NAALADL1: variants seen among roughly 807,000 people sequenced by gnomAD.
NAALADL1 encodes the protein aminopeptidase NAALADL1.
A neutral mutation model predicts 82.8 loss-of-function variants in NAALADL1; 77 were observed. The observed-to-expected ratio is 0.93, with a 90% CI of 0.77 to 1.12. The LOEUF is 1.12. Ranked by LOEUF, NAALADL1 falls within the 50% of genes most tolerant of loss-of-function variation. The pLI is 0.00. For synonymous variants in NAALADL1, 358 were observed against 399.2 expected, an observed-to-expected ratio of 0.90 and a Z score of 1.23; for missense variants, 956 against 964.0, an observed-to-expected ratio of 0.99 and a Z score of 0.11.
Position 65,053,093 on chromosome 11 carries a change from C to T in NAALADL1, c.1198+125G>A. The T allele has an allele frequency of 8.0e-7, 1 of 1,244,632 alleles. No homozygotes were observed. The highest frequency in any genetic ancestry group is 1.5e-5 in the African/African-American group (1 of 66,632). 77.1% of individuals were successfully genotyped at this position (1,244,632 alleles called of 1,614,324 possible). On this transcript the variant is annotated intron_variant, in intron 8 of 17. Coordinates refer to ENST00000358658, the MANE Select transcript of NAALADL1 (RefSeq NM_005468.3). The surrounding 1 kb of genome is among the most constrained non-coding windows in gnomAD (Gnocchi z 4.3). ...GCTGCAGGCCAAGGCTGGTGTCATG[C>T]ATGTCTGCCCCCAGGGCCCTCAGGC...
chr11:65,045,079 C>G lies in NAALADL1; in HGVS notation c.*192G>C. 1.5e-6 allele frequency: 1 copy of G among 674,570 alleles called. No homozygotes were observed. Among genetic ancestry groups the G allele is most frequent in the Non-Finnish European group, 2.4e-6 (1 of 408,260 alleles). The allele number at this position is 674,570 out of a possible 1,614,324, so 41.8% of individuals were successfully genotyped here. On this transcript the variant is annotated 3_prime_UTR_variant, in exon 18 of 18. Coordinates refer to ENST00000358658, the MANE Select transcript of NAALADL1 (RefSeq NM_005468.3). ...TCCCCTGCTGCCCACCCTCTGCCACCTAAGCACCAGGATGAGGGTGAGTTG... is the reference window on the plus strand; with the variant it reads ...TCCCCTGCTGCCCACCCTCTGCCACGTAAGCACCAGGATGAGGGTGAGTTG...
At chr11:65,058,612 G>A (rs1947116779), upstream of NAALADL1, 1 of 1,258,092 alleles carries the variant, frequency 7.9e-7, no homozygotes, top group African/African-American at 1.5e-5. Context: ...TTACCCCATG[G>A]GTGGCACTGC....
In NAALADL1 at chr11:65,054,618, AG is replaced by A. The variant is rs761671591; in HGVS notation, c.723del (p.Ser242GlnfsTer16). 93 of 1,613,768 alleles carry A rather than the reference AG, an allele frequency of 5.8e-5. No individual in the cohort carries two copies. The highest frequency in any genetic ancestry group is 7.2e-5 in the Non-Finnish European group (85 of 1,179,902). On this transcript the variant is annotated frameshift_variant, in exon 5 of 18. Transcript: ENST00000358658. LOFTEE classifies it high-confidence loss of function. This position sits in a 1 kb window ranked among gnomAD's most constrained non-coding sequence, Gnocchi z 4.3. ...ETFPNSWYLP[P>X]SGVERGSYYE... ...TAGTAGGAGCCTCGCTCCACTCCTG[AG>A]GGGGGCAGGTACCAGGAGTTGGGAA...
In NAALADL1 at chr11:65,054,599, G is replaced by A; in HGVS notation, c.743C>T (p.Ser248Phe). 1.2e-6 allele frequency: 2 copies of A among 1,613,872 alleles called. No individual in the cohort carries two copies. The highest frequency in any genetic ancestry group is 1.7e-6 in the Non-Finnish European group (2 of 1,179,834). The change falls in exon 5 of 18, where the codon TCC becomes TTC. Residue 248 changes from serine to phenylalanine, a missense_variant. Coordinates refer to ENST00000358658, the MANE Select transcript of NAALADL1 (RefSeq NM_005468.3). This position sits in a 1 kb window ranked among gnomAD's most constrained non-coding sequence, Gnocchi z 4.3. ...AGGGTCCCCAAAATACTCGTAGTAG[G>A]AGCCTCGCTCCACTCCTGAGGGGGG... ...YLPPSGVERG[S>F]YYEYFGDPLT...
rs577227692 is a variant in NAALADL1, at chr11:65,047,837, C to G, written c.1417-99G>C. 1.2e-4 allele frequency: 177 copies of G among 1,473,046 alleles called. 1 individual carries two copies. In the East Asian group the frequency reaches 2.7e-3, roughly 23 times the overall value. 91.2% of individuals were successfully genotyped at this position (1,473,046 alleles called of 1,614,324 possible). A position where few individuals can be genotyped will look rare whatever the true frequency, so the allele number is the denominator to read the frequency against. Reference sequence around the variant, plus strand: ...TCTCCTGCCCACCCGTGGTCCAGTCCTTACGAGGCTTGCCCCAGCCTCAGT... The same window carrying G: ...TCTCCTGCCCACCCGTGGTCCAGTCGTTACGAGGCTTGCCCCAGCCTCAGT... On this transcript the variant is annotated intron_variant, in intron 11 of 17. Transcript: ENST00000358658.
In NAALADL1 at chr11:65,046,355, G is replaced by A. The variant is rs557645613; in HGVS notation, c.1689C>T (p.Ser563=). ...YVDKFLDPGF[S]SHQAVARTAG... ...CTGTCCGGGCCACAGCCTGATGGCT[G>A]CTGAAGCCTGCGGCAAGGTGACAAG... Residue 563 remains serine, a synonymous_variant, in exon 15 of 18, where the codon AGC becomes AGT. Transcript: ENST00000358658. 2.0e-5 allele frequency: 33 copies of A among 1,614,252 alleles called. No homozygotes were observed. The Admixed American group carries it at 4.5e-4, about 22-fold the overall frequency.
chr11:65,047,897 A>AGCCCCGCCCACCCGTAGCG, intron 11 of NAALADL1, 84 bp downstream of exon 11: 1 of 486,658 alleles, frequency 2.1e-6, no homozygotes, highest in Non-Finnish European at 3.7e-6. Context: ...ACCACTCCCC[A>AGCCCCGCCCACCCGTAGCG]GCCCCGCCCA....
chr11:65,053,457 G>A lies in NAALADL1; in HGVS notation c.1078+34C>T, dbSNP rs540027388. The stretch of plus-strand genomic sequence containing the variant: ...ACAGCGGCATCCAGAGCAGAGCAGG[G>A]GCCTGGGGTGCAGGCAGCAAGAGGA... On this transcript the variant is annotated intron_variant, in intron 7 of 17. Transcript: ENST00000358658. The surrounding 1 kb of genome is among the most constrained non-coding windows in gnomAD (Gnocchi z 4.3). The A allele has an allele frequency of 1.2e-6, 2 of 1,612,204 alleles. No homozygotes were observed. The highest frequency in any genetic ancestry group is 1.3e-5 in the African/African-American group (1 of 74,982).
Position 65,045,865 on chromosome 11 carries a change from T to A in NAALADL1, c.1993A>T (p.Thr665Ser). The change falls in exon 17 of 18, where the codon ACC becomes TCC. Residue 665 changes from threonine (T) to serine (S), a missense_variant. Physicochemically the swap from Thr to Ser is moderately conservative, Grantham distance 58. Coordinates refer to ENST00000358658, the MANE Select transcript of NAALADL1 (RefSeq NM_005468.3). ...LNDQLMLLER[T>S]FLNPRAFPEE... is the part of the protein sequence containing the mutation. ...GGGAAGGCTCTAGGGTTCAGAAAGG[T>A]CCGTTCCAAGAGCATCAACTGGTCA... 1 of 1,614,052 alleles carries A rather than the reference T, an allele frequency of 6.2e-7. No individual in the cohort carries two copies. Among genetic ancestry groups the A allele is most frequent in the Non-Finnish European group, 8.5e-7 (1 of 1,179,982 alleles).
chr11:65,058,653 G>A (rs1404815810), upstream of NAALADL1: 5 of 850,144 alleles, frequency 5.9e-6, no homozygotes, highest in Admixed American at 8.9e-5. Context: ...GGGAGAGTGA[G>A]GGAACATCCC....
At chr11:65,047,600 TGGGCCGGACCGCCTCGCTCC>T in intron 12 of NAALADL1, 27 bp downstream of exon 12, 1 of 1,578,626 alleles carries the variant, frequency 6.3e-7, no homozygotes, top group Non-Finnish European at 8.6e-7. Flanking sequence ...TAAAGAGCGC[TGGGCCGGACCGCCTCGCTCC>T]GGGCCCCCTT....
upstream of NAALADL1, among the ~76,000 whole-genome samples, chr11:65,060,530 C>T (rs1035692936): frequency 6.6e-6 from 1 of 152,186 alleles, no homozygotes; most frequent in Non-Finnish European, 1.5e-5. Context: ...ACCCCACCCA[C>T]TCCTGGAAGG....
chr11:65,047,841 C>T, intron 11 of NAALADL1, 103 bp from the exon 12 acceptor site: 2 of 1,466,746 alleles, frequency 1.4e-6, no homozygotes. Context: ...CCAGTCCTTA[C>T]GAGGCTTGCC....
chr11:65,046,581 G>A lies in NAALADL1; in HGVS notation c.1600-55C>T, dbSNP rs575135864. On this transcript the variant is annotated intron_variant, in intron 13 of 17. Transcript: ENST00000358658. ...CTTGGGATGGGAAGTGGGAGAAGGT[G>A]TACCTCCAGTGAGCTGCAAAATGTG... 325 of 1,552,854 alleles carry A rather than the reference G, an allele frequency of 2.1e-4. 1 individual carries two copies. In the South Asian group the frequency reaches 3.4e-3, roughly 16 times the overall value.
chr11:65,054,632 C>G lies in NAALADL1; in HGVS notation c.710G>C (p.Trp237Ser), dbSNP rs1946987294. 3.7e-6 allele frequency: 6 copies of G among 1,614,006 alleles called. No homozygotes were observed. Among genetic ancestry groups the G allele is most frequent in the Non-Finnish European group, 5.1e-6 (6 of 1,179,992 alleles). The part of the protein sequence containing the change: ...SSPDETFPNS[W>S]YLPPSGVERG... The stretch of plus-strand genomic sequence containing the variant: ...CTCCACTCCTGAGGGGGGCAGGTAC[C>G]AGGAGTTGGGAAAGGTTTCGTCGGG... The change falls in exon 5 of 18, where the codon TGG (tryptophan) becomes TCG (serine). Residue 237 changes from tryptophan (W) to serine (S), a missense_variant. Transcript: ENST00000358658. The surrounding 1 kb of genome is among the most constrained non-coding windows in gnomAD (Gnocchi z 4.3).
At position 65,054,783 on chromosome 11, in the gene NAALADL1, C is replaced by A. The variant is rs763756222; in HGVS notation, c.604-45G>T. The A allele has an allele frequency of 5.0e-6, 8 of 1,587,374 alleles. No homozygotes were observed. The African/African-American group carries it at 5.4e-5, about 11-fold the overall frequency. On this transcript the variant is annotated intron_variant, in intron 4 of 17. Coordinates refer to ENST00000358658, the MANE Select transcript of NAALADL1 (RefSeq NM_005468.3). The surrounding 1 kb of genome is among the most constrained non-coding windows in gnomAD (Gnocchi z 4.3). ...CTGTGTGTAAGGGAGGGACCGGGAC[C>A]AGATATGTCCTATTCCTCTTCCTCC...
chr11:65,056,380 T>C (rs1479323371), intron 4 of NAALADL1, among the ~76,000 whole-genome samples: 1 of 151,924 alleles, frequency 6.6e-6, no homozygotes, highest in Admixed American at 6.6e-5. Context: ...CTACTCTTTT[T>C]ATATTAATTT....
chr11:65,054,716 C>T lies in NAALADL1; in HGVS notation c.626G>A (p.Gly209Glu), dbSNP rs193248866. Residue 209 changes from glycine (G) to glutamate (E), a missense_variant, in exon 5 of 18, where the codon GGG becomes GAG. Coordinates refer to ENST00000358658, the MANE Select transcript of NAALADL1 (RefSeq NM_005468.3). The surrounding 1 kb of genome is among the most constrained non-coding windows in gnomAD (Gnocchi z 4.3). Reference protein sequence around the residue: ...GAKAVNAAKHGVAGVLVYTDP... With the variant: ...GAKAVNAAKHEVAGVLVYTDP... ...TGTGTACACCAGCACCCCAGCTACC[C>T]CGTGCTTGGCAGCGTTCACAGCCTG... is the stretch of plus-strand genomic sequence containing the variant. 9.2e-5 allele frequency: 149 copies of T among 1,613,772 alleles called. 1 individual carries two copies. The East Asian group carries it at 3.1e-3, about 33-fold the overall frequency.
intron 8 of NAALADL1, chr11:65,048,619 C>CCT (rs1946806555): frequency 3.5e-6 from 2 of 572,942 alleles, no homozygotes; most frequent in Admixed American, 3.0e-5. Flanking sequence ...GCCTACTGCC[C>CCT]CTCTCTCTCT....
Sources: allele counts gnomAD v4.1 joint callset (sites outside exome capture counted in the v4.1 genomes callset), GRCh38; gene constraint gnomAD v4.1.1; non-coding constraint Gnocchi (gnomAD v3.1); transcripts MANE v1.5; gene names NCBI Gene and HGNC (gene_info 2026-07-23, HGNC 2026-07-21).